Variants in TMEM131L observed in about 807,000 individuals in gnomAD.
TMEM131L encodes the protein transmembrane protein 131-like.
A neutral mutation model predicts 192.2 loss-of-function variants in TMEM131L; 54 were observed. The observed-to-expected ratio is 0.28, with a 90% CI of 0.23 to 0.35. TMEM131L has a LOEUF of 0.35. Among genes scored for constraint, TMEM131L ranks in the 10% least tolerant of loss-of-function variants. The pLI, the probability that TMEM131L is intolerant of heterozygous loss-of-function variation, is 1.00. For synonymous variants in TMEM131L, 701 were observed against 704.9 expected (o/e 0.99, Z 0.09); for missense variants, 1,888 against 1,972.9 (o/e 0.96, Z 0.82).
chr4:153,590,970 T>A (rs536042378), intron 16 of TMEM131L, 83 bp from the exon 17 acceptor site: 1 of 929,268 alleles, frequency 1.1e-6, no homozygotes, highest in East Asian at 3.3e-5. Context: ...ATTTAGTGAT[T>A]TCCCTAAATA....
At chr4:153,568,232 C>T (rs996311264) in intron 7 of TMEM131L, among the ~76,000 whole-genome samples, 2 of 152,220 alleles carry the variant, frequency 1.3e-5, no homozygotes, top group South Asian at 2.1e-4. Flanking sequence ...AGGAGGGGCG[C>T]GTCATGAAGA....
intron 31 of TMEM131L, among the ~76,000 whole-genome samples, chr4:153,628,703 GTTTAGATGGTACTACC>G: frequency 6.6e-6 from 1 of 152,316 alleles, no homozygotes; most frequent in East Asian, 1.9e-4. Context: ...TGTGGGGGCG[GTTTAGATGGTACTACC>G]TTTTTTTCTG....
chr4:153,591,279 G>T, intron 17 of TMEM131L, 85 bp downstream of exon 17: 2 of 1,346,738 alleles, frequency 1.5e-6, no homozygotes, highest in South Asian at 3.6e-5. Context: ...TCCACCTTTA[G>T]CTACCATTTC....
chr4:153,632,939 AG>A (rs1734314681), intron 32 of TMEM131L, 101 bp downstream of exon 32: 1 of 1,400,530 alleles, frequency 7.1e-7, no homozygotes, highest in African/African-American at 1.4e-5. Flanking sequence ...AATGAAGGCT[AG>A]GCTTCTTCCT....
chr4:153,508,970 TTAAG>T (rs901835519), intron 3 of TMEM131L, among the ~76,000 whole-genome samples: 2 of 152,102 alleles, frequency 1.3e-5, no homozygotes, highest in African/African-American at 4.8e-5. Context: ...ATGGCTTAAC[TTAAG>T]TAAGTTAAAC....
intron 3 of TMEM131L, among the ~76,000 whole-genome samples, chr4:153,518,875 C>G (rs1734918254): frequency 2.6e-5 from 4 of 152,140 alleles, no homozygotes; most frequent in Admixed American, 1.3e-4. Context: ...GGTGCCTGCC[C>G]TTTTCTGTTT....
chr4:153,593,819 T>A lies in TMEM131L; in HGVS notation c.1943T>A (p.Met648Lys). The change falls in exon 19 of 35, where the codon ATG becomes AAG. Residue 648 changes from methionine to lysine, a missense_variant. Transcript: ENST00000409959. ...LHRWFGTDMQ[M>K]INFTTGEFQL... ...TATAGGTTTGGCACTGATATGCAGA[T>A]GATTAATTTCACAACTGGTGAATTC... 3.1e-6 allele frequency: 5 copies of A among 1,613,042 alleles called. No individual in the cohort carries two copies. The highest frequency in any genetic ancestry group is 4.2e-6 in the Non-Finnish European group (5 of 1,179,000).
chr4:153,632,687 G>C, intron 31 of TMEM131L, 31 bp from the exon 32 acceptor site: 1 of 1,613,610 alleles, frequency 6.2e-7, no homozygotes, highest in Non-Finnish European at 8.5e-7. Flanking sequence ...GGTGAGGATA[G>C]GGTGGACTCA....
intron 15 of TMEM131L, among the ~76,000 whole-genome samples, chr4:153,588,261 T>C (rs1730831350): frequency 1.3e-5 from 2 of 151,228 alleles, no homozygotes; most frequent in East Asian, 1.9e-4. Context: ...ACAAGCTGTT[T>C]CTTGTTTTGA....
chr4:153,501,277 C>T (rs1484959785), intron 3 of TMEM131L, among the ~76,000 whole-genome samples: 3 of 146,386 alleles, frequency 2.0e-5, no homozygotes, highest in African/African-American at 7.7e-5. Flanking sequence ...GCGATCTTGG[C>T]TCACTGCAAC....
chr4:153,510,103 T>G (rs1248904556), intron 3 of TMEM131L, among the ~76,000 whole-genome samples: 1 of 152,208 alleles, frequency 6.6e-6, no homozygotes, highest in East Asian at 1.9e-4. Context: ...TGAAAGAATC[T>G]GTGTATGAAA....
At chr4:153,480,517 CAA>C (rs1157080931) in intron 3 of TMEM131L, among the ~76,000 whole-genome samples, 9 of 50,752 alleles carry the variant, frequency 1.8e-4, no homozygotes, top group Admixed American at 4.5e-4. Flanking sequence ...GACTCCATCT[CAA>C]AAAAAAAAAA....
At position 153,636,501 on chromosome 4, in the gene TMEM131L, C is replaced by T. The variant is rs778075622; in HGVS notation, c.4758C>T (p.Asp1586=). 8.7e-6 allele frequency: 14 copies of T among 1,614,196 alleles called. No homozygotes were observed. Among genetic ancestry groups the T allele is most frequent in the Middle Eastern group, 3.3e-4 (2 of 6,062 alleles). Residue 1586 remains aspartate, a synonymous_variant, in exon 35 of 35, where the codon GAC becomes GAT. Transcript: ENST00000409959. Reference sequence around the variant, plus strand: ...CGTTTCGCGCCTATATGAACCTGGACATATGGACTACCACAGCGAATAGGA... The same window carrying T: ...CGTTTCGCGCCTATATGAACCTGGATATATGGACTACCACAGCGAATAGGA... The part of the protein sequence containing the change: ...FNPFRAYMNL[D]IWTTTANRNA...
At chr4:153,542,555 C>T (rs1736868754) in intron 3 of TMEM131L, among the ~76,000 whole-genome samples, 1 of 152,156 alleles carries the variant, frequency 6.6e-6, no homozygotes, top group South Asian at 2.1e-4. Context: ...TGCGAAAGTG[C>T]AATGGATGAT....
intron 7 of TMEM131L, among the ~76,000 whole-genome samples, chr4:153,568,515 A>C (rs1729372733): frequency 6.6e-6 from 1 of 152,164 alleles, no homozygotes; most frequent in South Asian, 2.1e-4. Context: ...TATAATACTC[A>C]AAAGCTTTTG....
In TMEM131L at chr4:153,592,595, T is replaced by G; in HGVS notation, c.1922+11T>G. On this transcript the variant is annotated intron_variant, in intron 18 of 34. Transcript: ENST00000409959. ...CCTGCTCCACAGATGGTATGAAGAC[T>G]TTTTTTCTGAGAGGCAGTTTGGGAA... 1 of 1,567,368 alleles carries G rather than the reference T, an allele frequency of 6.4e-7. No homozygotes were observed. The highest frequency in any genetic ancestry group is 8.8e-7 in the Non-Finnish European group (1 of 1,137,610).
chr4:153,509,541 A>G (rs1182320590), intron 3 of TMEM131L, among the ~76,000 whole-genome samples: 1 of 152,116 alleles, frequency 6.6e-6, no homozygotes, highest in Admixed American at 6.5e-5. Flanking sequence ...AGACTGGCCA[A>G]CATGGTGAAA....
chr4:153,470,618 T>C (rs901701621), intron 2 of TMEM131L, among the ~76,000 whole-genome samples: 1 of 152,238 alleles, frequency 6.6e-6, no homozygotes, highest in Non-Finnish European at 1.5e-5. Flanking sequence ...AAAGTGGTGA[T>C]GGTGTGGAAA....
At chr4:153,602,910 A>G (rs1561233136) in intron 23 of TMEM131L, among the ~76,000 whole-genome samples, 183 bp downstream of exon 23, 1 of 152,234 alleles carries the variant, frequency 6.6e-6, no homozygotes. Flanking sequence ...TAGTAAACTA[A>G]TCGTAAGAGA....
Sources: gnomAD v4.1 joint callset for allele counts (sites outside exome capture counted in the v4.1 genomes callset) on GRCh38, gnomAD v4.1.1 for gene constraint, MANE v1.5 for transcripts, NCBI Gene and HGNC (gene_info 2026-07-23, HGNC 2026-07-21) for gene names.